ZDHHC14: variants seen among roughly 807,000 people sequenced by gnomAD.
The protein encoded by ZDHHC14 is zDHHC palmitoyltransferase 14.
ZDHHC14 carries 16 observed loss-of-function variants against 47.7 expected under a neutral mutation model. The observed-to-expected ratio is 0.34, with a 90% confidence interval of 0.23 to 0.51. The LOEUF is 0.51. Among genes scored for constraint, ZDHHC14 ranks in the 20% least tolerant of loss-of-function variants. ZDHHC14 has a pLI of 0.97. For synonymous variants in ZDHHC14, 293 were observed against 278.9 expected, an observed-to-expected ratio of 1.05 and a Z score of -0.50; for missense variants, 515 against 662.5, an observed-to-expected ratio of 0.78 and a Z score of 2.44.
At position 157,653,634 on chromosome 6, in the gene ZDHHC14, G is replaced by A; in HGVS notation, c.1068+7G>A. 6.2e-7 allele frequency: 1 copy of A among 1,612,470 alleles called. No homozygotes were observed. Among genetic ancestry groups the A allele is most frequent in the Non-Finnish European group, 8.5e-7 (1 of 1,179,492 alleles). ...GCAGTCACAGAGTGACATGGTAGGA[G>A]TGGGGGCCACTGCTCCCTGCGAGGG... On this transcript the variant is annotated splice_region_variant and intron_variant, in intron 8 of 8. Coordinates refer to ENST00000359775, the MANE Select transcript of ZDHHC14 (RefSeq NM_024630.3).
rs1214883451 is a variant in ZDHHC14 at position 157,427,735 on chromosome 6, G to C, written c.245+45469G>C. Among the ~76,000 whole-genome samples, 3 of 152,106 alleles carry C rather than the reference G, an allele frequency of 2.0e-5. No individual in the cohort carries two copies. The highest frequency in any genetic ancestry group is 4.4e-5 in the Non-Finnish European group (3 of 68,020). ...AGATGCGCTAGGGCTGTTCCTCCTGGAGTAGTGGGAGTCAGAAACACACTG... is the reference window on the plus strand; with the variant it reads ...AGATGCGCTAGGGCTGTTCCTCCTGCAGTAGTGGGAGTCAGAAACACACTG... On this transcript the variant is annotated intron_variant, in intron 1 of 8. Transcript: ENST00000359775. The surrounding 1 kb of genome is among the most constrained non-coding windows in gnomAD (Gnocchi z 4.4).
chr6:157,670,661 G>A (rs534200201), intron 8 of ZDHHC14, among the ~76,000 whole-genome samples: 132 of 151,548 alleles, frequency 8.7e-4, no homozygotes, highest in Middle Eastern at 6.8e-3. Context: ...CCCCTCCCCC[G>A]CACTTTGGCA....
chr6:157,548,646 G>A (rs1782087982), intron 2 of ZDHHC14, among the ~76,000 whole-genome samples: 1 of 152,168 alleles, frequency 6.6e-6, no homozygotes, highest in Admixed American at 6.5e-5. Flanking sequence ...GGGTTTCTCT[G>A]TGTTGGTCAG....
At position 157,502,695 on chromosome 6, in the gene ZDHHC14, G is replaced by C. The variant is rs1489848406; in HGVS notation, c.246-39890G>C. On this transcript the variant is annotated intron_variant, in intron 1 of 8. Coordinates refer to ENST00000359775, the MANE Select transcript of ZDHHC14 (RefSeq NM_024630.3). The surrounding 1 kb of genome is among the most constrained non-coding windows in gnomAD (Gnocchi z 4.0). ...GTTTGTTTTTGTTTTGTTTTGTTTT[G>C]TTTGTTTGTTTTTTAGACAGGGTCT... Among the ~76,000 whole-genome samples, 1 of 151,362 alleles carries C rather than the reference G, an allele frequency of 6.6e-6. No homozygotes were observed. Among genetic ancestry groups the C allele is most frequent in the Admixed American group, 6.6e-5 (1 of 15,222 alleles).
At chr6:157,671,616 C>G (rs688167) in intron 8 of ZDHHC14, among the ~76,000 whole-genome samples, 114,003 of 151,618 alleles carry the variant, frequency 0.75, 43,142 homozygotes, top group African/African-American at 0.84. Context: ...TGTCGCATAG[C>G]CTGGAAATGT....
intron 1 of ZDHHC14, among the ~76,000 whole-genome samples, chr6:157,465,972 G>A (rs1779204961): frequency 6.6e-6 from 1 of 152,130 alleles, no homozygotes; most frequent in South Asian, 2.1e-4. Flanking sequence ...AACCCGGGAG[G>A]CGGAGCTTGC....
At chr6:157,663,529 G>T (rs1249371536) in intron 8 of ZDHHC14, among the ~76,000 whole-genome samples, 1 of 152,226 alleles carries the variant, frequency 6.6e-6, no homozygotes, top group Admixed American at 6.5e-5. Flanking sequence ...TGAGCCCATT[G>T]TGTCTCATCA....
intron 1 of ZDHHC14, among the ~76,000 whole-genome samples, chr6:157,396,981 A>G (rs1777534927): frequency 6.6e-6 from 1 of 152,236 alleles, no homozygotes; most frequent in Non-Finnish European, 1.5e-5. Flanking sequence ...TTTCTATCTA[A>G]GTTCTCTGCC....
At chr6:157,481,149 GC>G (rs974095324) in intron 1 of ZDHHC14, among the ~76,000 whole-genome samples, 4 of 152,132 alleles carry the variant, frequency 2.6e-5, no homozygotes, top group Non-Finnish European at 5.9e-5. Flanking sequence ...CACGTGTGAT[GC>G]TTCCTCACTC....
At chr6:157,437,913 A>G (rs898662243) in intron 1 of ZDHHC14, among the ~76,000 whole-genome samples, 5 of 152,212 alleles carry the variant, frequency 3.3e-5, no homozygotes, top group African/African-American at 1.2e-4. Flanking sequence ...GAGTTAAAAA[A>G]AAAAATCCAG....
chr6:157,594,188 G>T (rs1386378337), intron 3 of ZDHHC14, among the ~76,000 whole-genome samples: 1 of 152,132 alleles, frequency 6.6e-6, no homozygotes, highest in Non-Finnish European at 1.5e-5. Flanking sequence ...GTCCTGCTGT[G>T]CAAAGCAGTC....
At chr6:157,611,602 G>A (rs916129762) in intron 3 of ZDHHC14, among the ~76,000 whole-genome samples, 3 of 152,230 alleles carry the variant, frequency 2.0e-5, no homozygotes, top group Admixed American at 6.5e-5. Context: ...TTCTTCCAAG[G>A]CAAAGGTAGA....
intron 7 of ZDHHC14, among the ~76,000 whole-genome samples, chr6:157,648,978 C>T (rs574200925): frequency 6.6e-6 from 1 of 152,346 alleles, no homozygotes; most frequent in East Asian, 1.9e-4. Context: ...CTGAGTCCTT[C>T]ATCTGCATAT....
At chr6:157,543,785 C>T (rs1781859798) in intron 2 of ZDHHC14, among the ~76,000 whole-genome samples, 1 of 152,190 alleles carries the variant, frequency 6.6e-6, no homozygotes, top group Non-Finnish European at 1.5e-5. Flanking sequence ...TAGACTGCAG[C>T]TGTCTTGTGT....
chr6:157,561,696 T>C (rs1782714563), intron 2 of ZDHHC14, among the ~76,000 whole-genome samples: 1 of 152,156 alleles, frequency 6.6e-6, no homozygotes, highest in African/African-American at 2.4e-5. Flanking sequence ...AGTTTCACTG[T>C]TGTCACCCAG....
intron 1 of ZDHHC14, among the ~76,000 whole-genome samples, chr6:157,542,364 G>A (rs1327434128): frequency 6.6e-6 from 1 of 152,146 alleles, no homozygotes; most frequent in African/African-American, 2.4e-5. Flanking sequence ...AGAGGGCTTG[G>A]GCGTCATACT....
At chr6:157,458,307 C>T (rs2114810738) in intron 1 of ZDHHC14, among the ~76,000 whole-genome samples, 1 of 152,084 alleles carries the variant, frequency 6.6e-6, no homozygotes, top group African/African-American at 2.4e-5. Context: ...CCTAATAGTC[C>T]CCAAGAGCAG....
chr6:157,511,025 A>G (rs978657587), intron 1 of ZDHHC14, among the ~76,000 whole-genome samples: 4 of 151,994 alleles, frequency 2.6e-5, no homozygotes, highest in Admixed American at 6.5e-5. Context: ...ACTGTCTCCA[A>G]CTCCACCCTC....
intron 7 of ZDHHC14, among the ~76,000 whole-genome samples, 196 bp downstream of exon 7, chr6:157,647,564 A>G (rs556900766): frequency 4.6e-5 from 7 of 152,288 alleles, no homozygotes; most frequent in Admixed American, 6.5e-5. Flanking sequence ...TTGATCTTCA[A>G]TTGAATCTGT....
Sources: gnomAD v4.1 joint callset for allele counts (sites outside exome capture counted in the v4.1 genomes callset) on GRCh38, gnomAD v4.1.1 for gene constraint, Gnocchi (gnomAD v3.1) non-coding constraint, MANE v1.5 for transcripts, NCBI Gene and HGNC (gene_info 2026-07-23, HGNC 2026-07-21) for gene names.